The following CLEC2D variants were observed in gnomAD, a reference collection of about 807,000 sequenced individuals.
CLEC2D encodes the protein C-type lectin related f.
Under a neutral mutation model 20.0 loss-of-function variants are expected in CLEC2D, and 16 were observed. That is an observed-to-expected ratio of 0.80 (90% CI 0.54 to 1.22). The LOEUF is 1.22. CLEC2D is among the 50% of genes most tolerant of loss of function. The pLI, the probability that CLEC2D is intolerant of heterozygous loss-of-function variation, is 0.00. For missense variants in CLEC2D, 207 were observed against 221.5 expected, an observed-to-expected ratio of 0.93 and a Z score of 0.42; for synonymous variants, 77 against 71.1, an observed-to-expected ratio of 1.08 and a Z score of -0.42.
intron 4 of CLEC2D, chr12:9,693,189 C>A: frequency 1.9e-6 from 2 of 1,053,634 alleles, no homozygotes; most frequent in Non-Finnish European, 3.0e-6. Context: ...TTTAAGCAAA[C>A]CATACAATAT....
At chr12:9,693,799 G>C (rs1404156334) in intron 4 of CLEC2D, 1 of 447,386 alleles carries the variant, frequency 2.2e-6, no homozygotes, top group African/African-American at 2.0e-5. Context: ...TCTTAAAATG[G>C]TTTTTTGTTT....
chr12:9,695,673 A>G lies in CLEC2D; in HGVS notation c.*799A>G. 2 of 1,575,662 alleles carry G rather than the reference A, an allele frequency of 1.3e-6. No homozygotes were observed. The highest frequency in any genetic ancestry group is 1.7e-6 in the Non-Finnish European group (2 of 1,156,054). ...TTGGGGGCTTTGAAATAACACCACC[A>G]GTGGACTTAAGGTTGAAGTGTGGTT... is the stretch of plus-strand genomic sequence containing the variant. On this transcript the variant is annotated 3_prime_UTR_variant, in exon 5 of 5. Coordinates refer to ENST00000290855, the MANE Select transcript of CLEC2D (RefSeq NM_013269.6).
chr12:9,686,271 G>A lies in CLEC2D; in HGVS notation c.173-1631G>A, dbSNP rs941072819. 4.6e-5 allele frequency among the ~76,000 whole-genome samples: 7 copies of A among 152,022 alleles called. No individual in the cohort carries two copies. In the South Asian group the frequency reaches 1.0e-3, roughly 23 times the overall value. On this transcript the variant is annotated intron_variant, in intron 2 of 4. Transcript: ENST00000290855. ...TTCTGCATTGGTCTCACTGGGAACTGCAGACCAGAGCTGTTTCTAATCAGC... is the reference window on the plus strand; with the variant it reads ...TTCTGCATTGGTCTCACTGGGAACTACAGACCAGAGCTGTTTCTAATCAGC...
chr12:9,677,475 T>A (rs758609353), intron 1 of CLEC2D, among the ~76,000 whole-genome samples: 4 of 152,170 alleles, frequency 2.6e-5, no homozygotes, highest in Non-Finnish European at 5.9e-5. Flanking sequence ...CATTGTGGTC[T>A]GAGAGCAGAC....
At chr12:9,691,027 C>T (rs1862907762) in intron 3 of CLEC2D, among the ~76,000 whole-genome samples, 2 of 152,020 alleles carry the variant, frequency 1.3e-5, no homozygotes, top group Non-Finnish European at 2.9e-5. Context: ...CTATAAGAGA[C>T]TTGCCTTAGA....
In CLEC2D at chr12:9,695,545, G is replaced by C; in HGVS notation, c.*671G>C. The C allele has an allele frequency of 7.7e-7, 1 of 1,306,986 alleles. No individual in the cohort carries two copies. Among genetic ancestry groups the C allele is most frequent in the South Asian group, 1.2e-5 (1 of 85,226 alleles). The allele number at this position is 1,306,986 out of a possible 1,614,324, so 81.0% of individuals were successfully genotyped here. A position where few individuals can be genotyped will look rare whatever the true frequency, so the allele number is the denominator to read the frequency against. ...GGTCAGCTCAGGGGCTGGTGCAAAG[G>C]ATGAACTGCACATTGTTGAAGCAGA... On this transcript the variant is annotated 3_prime_UTR_variant, in exon 5 of 5. Transcript: ENST00000290855.
In CLEC2D at chr12:9,688,125, C is replaced by T. The variant is rs754850911; in HGVS notation, c.357+39C>T. On this transcript the variant is annotated intron_variant, in intron 3 of 4. Transcript: ENST00000290855. ...TCTGGCCAGAATCAAAGATTCAGCC[C>T]TACAAGGATATGTTTTCCTGTGAAA... is the stretch of plus-strand genomic sequence containing the variant. 23 of 1,501,972 alleles carry T rather than the reference C, an allele frequency of 1.5e-5. No individual in the cohort carries two copies. In the Admixed American group the frequency reaches 4.0e-4, roughly 26 times the overall value. The allele number at this position is 1,501,972 out of a possible 1,614,324, so 93.0% of individuals were successfully genotyped here.
rs561906116 is a variant in CLEC2D at position 9,692,136 on chromosome 12, G to A, written c.358-692G>A. Among the ~76,000 whole-genome samples, 32 of 151,726 alleles carry A rather than the reference G, an allele frequency of 2.1e-4. No homozygotes were observed. In the South Asian group the frequency reaches 5.4e-3, roughly 26 times the overall value. On this transcript the variant is annotated intron_variant, in intron 3 of 4. Coordinates refer to ENST00000290855, the MANE Select transcript of CLEC2D (RefSeq NM_013269.6). Reference sequence around the variant, plus strand: ...TTCTTTCTCTTTCTTTCGTTCGTTCGTTCGTTCGTTTCTTTTTGAGACAGA... The same window carrying A: ...TTCTTTCTCTTTCTTTCGTTCGTTCATTCGTTCGTTTCTTTTTGAGACAGA...
At chr12:9,670,093 A>G (rs1459269483) in intron 1 of CLEC2D, among the ~76,000 whole-genome samples, 1 of 152,196 alleles carries the variant, frequency 6.6e-6, no homozygotes, top group Non-Finnish European at 1.5e-5. Flanking sequence ...TACAAACTCT[A>G]AAGTGTTACT....
intron 3 of CLEC2D, among the ~76,000 whole-genome samples, chr12:9,691,991 G>A (rs1287882542): frequency 6.6e-6 from 1 of 152,092 alleles, no homozygotes; most frequent in Non-Finnish European, 1.5e-5. Context: ...TCATAAAAAG[G>A]ACAGTACACA....
At position 9,688,077 on chromosome 12, in the gene CLEC2D, C is replaced by G; in HGVS notation, c.348C>G (p.Phe116Leu). The part of the protein sequence containing the change: ...QDADLAQVES[F>L]QELNFLLRYK... Reference sequence around the variant, plus strand: ...CTGATCTTGCTCAGGTTGAAAGCTTCCAGGAACTGGTAAGAAAATAGTTCT... The same window carrying G: ...CTGATCTTGCTCAGGTTGAAAGCTTGCAGGAACTGGTAAGAAAATAGTTCT... Residue 116 changes from phenylalanine (F) to leucine (L), a missense_variant, in exon 3 of 5, where the codon TTC becomes TTG. Phe to Leu is a conservative substitution (Grantham distance 22). Transcript: ENST00000290855. 6.3e-7 allele frequency: 1 copy of G among 1,593,288 alleles called. No homozygotes were observed.
chr12:9,680,402 G>A (rs1044772895), intron 1 of CLEC2D, among the ~76,000 whole-genome samples: 3 of 152,118 alleles, frequency 2.0e-5, no homozygotes, highest in African/African-American at 7.2e-5. Flanking sequence ...TCCTTGTTAT[G>A]TGGCTCAGAG....
intron 3 of CLEC2D, among the ~76,000 whole-genome samples, chr12:9,690,251 C>T (rs1270985466): frequency 6.6e-6 from 1 of 151,990 alleles, no homozygotes; most frequent in African/African-American, 2.4e-5. Context: ...ACCATGAATT[C>T]TATGTATAGC....
intron 1 of CLEC2D, among the ~76,000 whole-genome samples, chr12:9,677,715 T>C (rs1865552096): frequency 6.7e-6 from 1 of 149,964 alleles, no homozygotes. Flanking sequence ...TTCTTTTTTT[T>C]TTTTTTTTTT....
At chr12:9,689,404 A>G (rs1391837857) in intron 3 of CLEC2D, among the ~76,000 whole-genome samples, 1 of 152,220 alleles carries the variant, frequency 6.6e-6, no homozygotes, top group Non-Finnish European at 1.5e-5. Flanking sequence ...AGTTACCACA[A>G]CATAGTATTC....
chr12:9,695,218 G>A lies in CLEC2D; in HGVS notation c.*344G>A. ...TCATGTCTTATGTGGTGGCAGGCAG[G>A]GGGACTTGTGCACAGGAACTCCTAT... On this transcript the variant is annotated 3_prime_UTR_variant, in exon 5 of 5. Transcript: ENST00000290855. 1.6e-6 allele frequency: 1 copy of A among 607,806 alleles called. No individual in the cohort carries two copies. 37.7% of individuals were successfully genotyped at this position (607,806 alleles called of 1,614,324 possible).
intron 1 of CLEC2D, among the ~76,000 whole-genome samples, chr12:9,671,606 A>C (rs1228281812): frequency 6.6e-6 from 1 of 152,244 alleles, no homozygotes; most frequent in Admixed American, 6.5e-5. Flanking sequence ...TTTGAGGCAC[A>C]TGAGAATGTA....
intron 1 of CLEC2D, among the ~76,000 whole-genome samples, chr12:9,675,530 T>G (rs950483689): frequency 2.6e-5 from 4 of 152,338 alleles, no homozygotes; most frequent in South Asian, 4.1e-4. Context: ...CACACTGTCT[T>G]GATTACTGTA....
chr12:9,671,008 C>G (rs1222984760), intron 1 of CLEC2D, among the ~76,000 whole-genome samples: 1 of 152,190 alleles, frequency 6.6e-6, no homozygotes, highest in Non-Finnish European at 1.5e-5. Flanking sequence ...CACCATCTGA[C>G]CCGTACTTTC....
Sources: allele counts gnomAD v4.1 joint callset (sites outside exome capture counted in the v4.1 genomes callset), GRCh38; gene constraint gnomAD v4.1.1; transcripts MANE v1.5; gene names NCBI Gene and HGNC (gene_info 2026-07-23, HGNC 2026-07-21).